Variants in ARHGAP26 observed in about 807,000 individuals in gnomAD.
ARHGAP26 encodes rho GTPase-activating protein 26.
In ARHGAP26, 38 loss-of-function variants were observed where a neutral mutation model predicts 104.8. The ratio of observed to expected loss-of-function variants is 0.36; its 90% CI spans 0.28 to 0.48. The LOEUF is 0.48. Among genes scored for constraint, ARHGAP26 ranks in the 20% least tolerant of loss-of-function variants. The pLI is 0.99. For synonymous variants in ARHGAP26, 341 were observed against 340.0 expected, an observed-to-expected ratio of 1.00 and a Z score of -0.03; for missense variants, 704 against 947.9, an observed-to-expected ratio of 0.74 and a Z score of 3.38.
chr5:142,832,314 A>T (rs1035758594), intron 1 of ARHGAP26, among the ~76,000 whole-genome samples: 1 of 152,256 alleles, frequency 6.6e-6, no homozygotes, highest in Non-Finnish European at 1.5e-5. Context: ...AAATGGGGTT[A>T]TATGGGTGAG....
At chr5:143,098,119 A>T (rs1792679382) in intron 17 of ARHGAP26, among the ~76,000 whole-genome samples, 1 of 152,152 alleles carries the variant, frequency 6.6e-6, no homozygotes, top group African/African-American at 2.4e-5. Flanking sequence ...TAATTAAATA[A>T]TTTGGAGTTT....
At chr5:143,051,695 A>G (rs1432035608) in intron 14 of ARHGAP26, among the ~76,000 whole-genome samples, 1 of 152,176 alleles carries the variant, frequency 6.6e-6, no homozygotes, top group Non-Finnish European at 1.5e-5. Flanking sequence ...GTGCTATAAA[A>G]AGCCCTTTAG....
At chr5:142,810,810 G>A (rs550213929) in intron 1 of ARHGAP26, among the ~76,000 whole-genome samples, 4 of 152,258 alleles carry the variant, frequency 2.6e-5, no homozygotes, top group South Asian at 4.1e-4. Context: ...AGTATAATTC[G>A]CCCAAAATAG....
chr5:143,200,557 A>G (rs1807543901), intron 20 of ARHGAP26, among the ~76,000 whole-genome samples: 1 of 152,070 alleles, frequency 6.6e-6, no homozygotes, highest in South Asian at 2.1e-4. Flanking sequence ...TATTAAGGGA[A>G]AAAAAGGAGG....
intron 1 of ARHGAP26, among the ~76,000 whole-genome samples, chr5:142,838,213 C>G (rs1379107721): frequency 4.0e-5 from 6 of 151,704 alleles, no homozygotes; most frequent in Non-Finnish European, 8.8e-5. Context: ...AGCTGAGATC[C>G]CACCACTGCA....
At chr5:143,146,269 G>A (rs776160348) in intron 19 of ARHGAP26, among the ~76,000 whole-genome samples, 1 of 152,156 alleles carries the variant, frequency 6.6e-6, no homozygotes, top group Non-Finnish European at 1.5e-5. Context: ...TTCCATTTAT[G>A]ATTCCAAGTT....
At position 143,228,094 on chromosome 5, in the gene ARHGAP26, G is replaced by A. The variant is rs138177350; in HGVS notation, c.*5648G>A. 751 of 223,682 alleles carry A rather than the reference G, an allele frequency of 3.4e-3. 5 individuals are homozygous for A. Among genetic ancestry groups the A allele is most frequent in the African/African-American group, 0.013 (596 of 44,978 alleles). The allele number at this position is 223,682 out of a possible 1,614,324, so 13.9% of individuals were successfully genotyped here. On this transcript the variant is annotated 3_prime_UTR_variant, in exon 23 of 23. Transcript: ENST00000645722. ...GTCAGTTACCTGGAGCAGTCCTGGAGAGGTTAAGACATTCTATACTGTTCT... is the reference window on the plus strand; with the variant it reads ...GTCAGTTACCTGGAGCAGTCCTGGAAAGGTTAAGACATTCTATACTGTTCT...
At position 143,136,427 on chromosome 5, in the gene ARHGAP26, CAG is replaced by C. The variant is rs141737730; in HGVS notation, c.1837+2324_1837+2325del. Among the ~76,000 whole-genome samples the C allele has an allele frequency of 7.4e-3, 1,133 of 152,330 alleles. 12 individuals carry two copies. Among genetic ancestry groups the C allele is most frequent in the Non-Finnish European group, 8.8e-3 (602 of 68,028 alleles). On this transcript the variant is annotated intron_variant, in intron 19 of 22. Transcript: ENST00000645722. Reference sequence around the variant, plus strand: ...TCCCTGGAAACATGACCGGAGCATACAGATATGCTCAGATATTTGTAGGGAGC... The same window carrying C: ...TCCCTGGAAACATGACCGGAGCATACATATGCTCAGATATTTGTAGGGAGC...
At chr5:143,097,160 G>A (rs757501579) in intron 17 of ARHGAP26, among the ~76,000 whole-genome samples, 9 of 151,964 alleles carry the variant, frequency 5.9e-5, no homozygotes, top group Admixed American at 2.0e-4. Context: ...CCGACATGGC[G>A]AAACCCCGTC....
intron 11 of ARHGAP26, among the ~76,000 whole-genome samples, chr5:142,964,648 CT>C (rs1770990695): frequency 6.6e-6 from 1 of 152,028 alleles, no homozygotes; most frequent in African/African-American, 2.4e-5. Flanking sequence ...CAAGTAGAGA[CT>C]TCTTTTAGGC....
chr5:143,121,070 G>A lies in ARHGAP26; in HGVS notation c.1621G>A (p.Glu541Lys). The A allele has an allele frequency of 6.2e-7, 1 of 1,613,772 alleles. No homozygotes were observed. ...VFGPTLLRPQEETVAAIMDIK... is the reference protein window; with the variant it reads ...VFGPTLLRPQKETVAAIMDIK... ...TGGACCCACTCTGCTGAGGCCTCAG[G>A]AAGAAACAGTAGCAGCCATCATGGA... is the stretch of plus-strand genomic sequence containing the variant. Residue 541 changes from glutamate (E) to lysine (K), a missense_variant, in exon 18 of 23, where the codon GAA becomes AAA. Physicochemically the swap from Glu to Lys is moderately conservative, Grantham distance 56. Transcript: ENST00000645722.
chr5:142,783,673 A>C (rs1216000000), intron 1 of ARHGAP26, among the ~76,000 whole-genome samples: 1 of 152,168 alleles, frequency 6.6e-6, no homozygotes, highest in Non-Finnish European at 1.5e-5. Context: ...TTTCTGGCAA[A>C]TACTGCTGTC....
chr5:143,154,446 C>T (rs1267285368), intron 20 of ARHGAP26, among the ~76,000 whole-genome samples: 2 of 152,154 alleles, frequency 1.3e-5, no homozygotes, highest in Non-Finnish European at 2.9e-5. Context: ...CTGTGTATGG[C>T]AATTAATAGT....
intron 4 of ARHGAP26, among the ~76,000 whole-genome samples, chr5:142,880,634 G>A (rs1023045454): frequency 1.2e-4 from 19 of 152,118 alleles, no homozygotes; most frequent in Admixed American, 4.6e-4. Context: ...GATTTCCAAC[G>A]TTTTCTTCCT....
chr5:143,035,532 G>A (rs13159761), intron 12 of ARHGAP26, among the ~76,000 whole-genome samples: 22,652 of 152,046 alleles, frequency 0.15, 4,569 homozygotes, highest in African/African-American at 0.46. Flanking sequence ...CTTTGGGGAC[G>A]TGGGGGAAAG....
At chr5:143,038,774 C>T (rs753057304) in intron 13 of ARHGAP26, among the ~76,000 whole-genome samples, 61 of 126,882 alleles carry the variant, frequency 4.8e-4, no homozygotes, top group Non-Finnish European at 8.9e-4. Context: ...CGGTTCACTG[C>T]AAACTCCAAC....
chr5:143,152,446 C>G (rs949964405), intron 20 of ARHGAP26, among the ~76,000 whole-genome samples: 1 of 152,198 alleles, frequency 6.6e-6, no homozygotes, highest in Admixed American at 6.5e-5. Flanking sequence ...TTTGAAGTGT[C>G]AGAAGAGTTG....
At chr5:142,930,679 C>T (rs1197357040) in intron 10 of ARHGAP26, among the ~76,000 whole-genome samples, 1 of 152,080 alleles carries the variant, frequency 6.6e-6, no homozygotes, top group African/African-American at 2.4e-5. Flanking sequence ...TCCCGACCCA[C>T]ACGCATTTAC....
At chr5:143,180,469 CA>C (rs1015089335) in intron 20 of ARHGAP26, among the ~76,000 whole-genome samples, 1 of 152,148 alleles carries the variant, frequency 6.6e-6, no homozygotes, top group African/African-American at 2.4e-5. Flanking sequence ...TTCCATTTAT[CA>C]GCAACATATC....
Sources: allele counts gnomAD v4.1 joint callset (sites outside exome capture counted in the v4.1 genomes callset), GRCh38; gene constraint gnomAD v4.1.1; transcripts MANE v1.5; gene names NCBI Gene and HGNC (gene_info 2026-07-23, HGNC 2026-07-21).